Variants in GABRG3 observed in about 807,000 individuals in gnomAD.
GABRG3 encodes gamma-aminobutyric acid type A receptor subunit gamma3, also known as gamma-aminobutyric acid receptor subunit gamma-3.
In GABRG3, 25 loss-of-function variants were observed where a neutral mutation model predicts 48.8. That is an observed-to-expected ratio of 0.51 (90% CI 0.37 to 0.72). The LOEUF is 0.72. GABRG3 is among the 30% of genes least tolerant of loss of function. GABRG3 has a pLI of 0.00. For missense variants in GABRG3, 394 were observed against 577.9 expected (o/e 0.68, Z 3.26); for synonymous variants, 227 against 217.6 (o/e 1.04, Z -0.38).
chr15:27,139,239 G>A (rs980589790), intron 3 of GABRG3, among the ~76,000 whole-genome samples: 17 of 152,304 alleles, frequency 1.1e-4, no homozygotes, highest in African/African-American at 3.1e-4. Context: ...GTCCAAGGCC[G>A]CAGGCTTGAG....
intron 3 of GABRG3, among the ~76,000 whole-genome samples, chr15:27,050,898 G>C (rs1213387202): frequency 6.6e-6 from 1 of 152,074 alleles, no homozygotes; most frequent in Admixed American, 6.5e-5. Flanking sequence ...TTAATATCAT[G>C]GTCCTGCTAT....
In GABRG3 at chr15:27,251,718, G is replaced by A. The variant is rs534400566; in HGVS notation, c.271-75091G>A. On this transcript the variant is annotated intron_variant, in intron 3 of 9. Coordinates refer to ENST00000615808, the MANE Select transcript of GABRG3 (RefSeq NM_033223.5). ...TTCTTCTAAAAAAAGTAACTGTGTAGCCTTTATGTCTACACAGTGCACAAG... is the reference window on the plus strand; with the variant it reads ...TTCTTCTAAAAAAAGTAACTGTGTAACCTTTATGTCTACACAGTGCACAAG... Among the ~76,000 whole-genome samples, 15 of 152,310 alleles carry A rather than the reference G, an allele frequency of 9.8e-5. No homozygotes were observed. The South Asian group carries it at 2.9e-3, about 29-fold the overall frequency.
intron 3 of GABRG3, among the ~76,000 whole-genome samples, chr15:27,228,224 G>C (rs751425056): frequency 2.6e-5 from 4 of 152,080 alleles, no homozygotes; most frequent in Non-Finnish European, 4.4e-5. Context: ...TCTTCCTCCT[G>C]CCTTAAGCAG....
At chr15:27,113,165 A>T (rs1379811433) in intron 3 of GABRG3, among the ~76,000 whole-genome samples, 2 of 151,326 alleles carry the variant, frequency 1.3e-5, no homozygotes, top group Admixed American at 6.6e-5. Context: ...TTTTTTTTCC[A>T]ACAGTTATTT....
intron 2 of GABRG3, among the ~76,000 whole-genome samples, chr15:27,008,511 G>T (rs1161096278): frequency 6.6e-6 from 1 of 152,218 alleles, no homozygotes; most frequent in Non-Finnish European, 1.5e-5. Context: ...GTCGAGAATT[G>T]AATCTGGGGT....
rs529040625 is a variant in GABRG3 at position 27,539,957 on chromosome 15, A to G, written c.*7076A>G. 2.0e-5 allele frequency: 3 copies of G among 152,346 alleles called. No individual in the cohort carries two copies. Among genetic ancestry groups the G allele is most frequent in the South Asian group, 4.1e-4 (2 of 4,828 alleles). 9.4% of individuals were successfully genotyped at this position (152,346 alleles called of 1,614,324 possible). ...AGGTTTTTAGATGAAGTACATCTACATCATAACCATCATCACCCTCATTGT... is the reference window on the plus strand; with the variant it reads ...AGGTTTTTAGATGAAGTACATCTACGTCATAACCATCATCACCCTCATTGT... On this transcript the variant is annotated 3_prime_UTR_variant, in exon 10 of 10. Transcript: ENST00000615808.
chr15:27,527,430 C>T lies in GABRG3; in HGVS notation c.866-3C>T, dbSNP rs1443485715. The T allele has an allele frequency of 6.2e-7, 1 of 1,612,668 alleles. No individual in the cohort carries two copies. Among genetic ancestry groups the T allele is most frequent in the African/African-American group, 1.3e-5 (1 of 75,030 alleles). ...TACAACATGCTACCCGTCCCCTGTT[C>T]AGGCATCACCACGGTGCTGACCATG... On this transcript the variant is annotated splice_polypyrimidine_tract_variant and splice_region_variant and intron_variant, in intron 7 of 9. Coordinates refer to ENST00000615808, the MANE Select transcript of GABRG3 (RefSeq NM_033223.5).
chr15:27,234,596 C>T (rs117406535), intron 3 of GABRG3, among the ~76,000 whole-genome samples: 15 of 152,144 alleles, frequency 9.9e-5, no homozygotes, highest in East Asian at 3.9e-4. Context: ...TTCTGGAGAC[C>T]GCGGTGCTCT....
At chr15:27,332,371 G>A (rs977734006) in intron 5 of GABRG3, among the ~76,000 whole-genome samples, 3 of 152,042 alleles carry the variant, frequency 2.0e-5, no homozygotes, top group South Asian at 2.1e-4. Flanking sequence ...AAAATTAGCC[G>A]GGCATAGTGG....
chr15:27,100,348 A>G (rs549601943), intron 3 of GABRG3, among the ~76,000 whole-genome samples: 19 of 152,310 alleles, frequency 1.2e-4, no homozygotes, highest in Non-Finnish European at 1.6e-4. Flanking sequence ...AATGTTCCCA[A>G]AAAAGAAATC....
At chr15:27,454,431 C>A (rs559367605) in intron 5 of GABRG3, among the ~76,000 whole-genome samples, 1 of 152,142 alleles carries the variant, frequency 6.6e-6, no homozygotes, top group Admixed American at 6.5e-5. Flanking sequence ...TTTTTAATAA[C>A]GTTGCTTCTA....
At chr15:27,530,088 C>G (rs752481296) in intron 9 of GABRG3, among the ~76,000 whole-genome samples, 1 of 152,054 alleles carries the variant, frequency 6.6e-6, no homozygotes, top group Admixed American at 6.6e-5. Flanking sequence ...AAGGAGCCAC[C>G]GTTACCAATA....
intron 4 of GABRG3, among the ~76,000 whole-genome samples, chr15:27,328,101 G>A (rs1190855401): frequency 1.4e-5 from 2 of 141,476 alleles, no homozygotes; most frequent in African/African-American, 2.6e-5. Context: ...AACAATTACA[G>A]CAAAAACAAA....
chr15:27,386,309 G>T (rs1895918680), intron 5 of GABRG3, among the ~76,000 whole-genome samples: 1 of 152,126 alleles, frequency 6.6e-6, no homozygotes, highest in Non-Finnish European at 1.5e-5. Context: ...TATGGCCTGT[G>T]TTCATCCAGG....
chr15:27,462,262 G>C (rs921598888), intron 5 of GABRG3, among the ~76,000 whole-genome samples: 1 of 152,052 alleles, frequency 6.6e-6, no homozygotes, highest in Non-Finnish European at 1.5e-5. Context: ...GTGCAATCTT[G>C]TCCCCCAAGG....
At chr15:27,254,818 T>A (rs1002134866) in intron 3 of GABRG3, among the ~76,000 whole-genome samples, 1 of 151,938 alleles carries the variant, frequency 6.6e-6, no homozygotes, top group Non-Finnish European at 1.5e-5. Context: ...TAGAGCACAG[T>A]TGGGTAGGCA....
intron 6 of GABRG3, among the ~76,000 whole-genome samples, chr15:27,510,518 T>G (rs972272618): frequency 2.0e-5 from 3 of 152,234 alleles, no homozygotes; most frequent in Non-Finnish European, 4.4e-5. Context: ...GTTCTCACAA[T>G]GAGTTCTGTC....
In GABRG3 at chr15:27,064,433, C is replaced by T. The variant is rs142993261; in HGVS notation, c.270+37612C>T. 1.4e-4 allele frequency among the ~76,000 whole-genome samples: 22 copies of T among 152,274 alleles called. No individual in the cohort carries two copies. The South Asian group carries it at 2.5e-3, about 17-fold the overall frequency. On this transcript the variant is annotated intron_variant, in intron 3 of 9. Coordinates refer to ENST00000615808, the MANE Select transcript of GABRG3 (RefSeq NM_033223.5). The stretch of plus-strand genomic sequence containing the variant: ...CTTCTCTTCGTCCATGAATCTCACC[C>T]GTTCTCAGGAGCCCCAGCCCACTGG...
At chr15:27,476,922 AAAGCAAT>A (rs1392035215) in intron 5 of GABRG3, among the ~76,000 whole-genome samples, 13 of 152,360 alleles carry the variant, frequency 8.5e-5, no homozygotes, top group African/African-American at 3.1e-4. Flanking sequence ...CAGCAAGAGA[AAAGCAAT>A]ATTTACTTAC....
Sources: allele counts gnomAD v4.1 joint callset (sites outside exome capture counted in the v4.1 genomes callset), GRCh38; gene constraint gnomAD v4.1.1; transcripts MANE v1.5; gene names NCBI Gene and HGNC (gene_info 2026-07-23, HGNC 2026-07-21).